CCDC171: variants seen among roughly 807,000 people sequenced by gnomAD.
The protein encoded by CCDC171 is coiled-coil domain-containing protein 171.
In CCDC171, 177 loss-of-function variants were observed where a neutral mutation model predicts 168.2. That is an observed-to-expected ratio of 1.05 (90% CI 0.93 to 1.19). The LOEUF (loss-of-function observed/expected upper bound fraction) is 1.19. Ranked by LOEUF, CCDC171 falls within the 50% of genes most tolerant of loss-of-function variation. CCDC171 has a pLI of 0.00. For synonymous variants in CCDC171, 687 were observed against 540.8 expected (o/e 1.27, Z -3.75); for missense variants, 1,991 against 1,539.0 (o/e 1.29, Z -4.91).
rs12004622 is a variant in CCDC171, at chr9:15,993,214, G to A, written n.369-27375G>A. On this transcript the variant is annotated intron_variant and non_coding_transcript_variant, in intron 3 of 9. Transcript: ENST00000486641. ...AAACTATACTACATGGCTACAGTAA[G>A]CAAAACAGCATGGTACTGGTACCAA... Among the ~76,000 whole-genome samples the A allele has an allele frequency of 5.7e-3, 856 of 151,070 alleles. 7 individuals carry two copies. Among genetic ancestry groups the A allele is most frequent in the Non-Finnish European group, 9.3e-3 (635 of 67,972 alleles).
chr9:15,731,204 C>T (rs1352207539), intron 16 of CCDC171, among the ~76,000 whole-genome samples: 1 of 152,026 alleles, frequency 6.6e-6, no homozygotes, highest in Non-Finnish European at 1.5e-5. Context: ...CTTTAACCTA[C>T]CTCTCTCCAT....
At position 15,613,770 on chromosome 9, in the gene CCDC171, G is replaced by A. The variant is rs559161545; in HGVS notation, c.676-9497G>A. 1.1e-4 allele frequency among the ~76,000 whole-genome samples: 17 copies of A among 152,106 alleles called. No homozygotes were observed. The East Asian group carries it at 1.7e-3, about 16-fold the overall frequency. ...GAACTCCTGACCTTGTGATCTGCCC[G>A]CCTCGGCCTCCCAAAGTGCGGGGAT... On this transcript the variant is annotated intron_variant, in intron 6 of 25. Coordinates refer to ENST00000380701, the MANE Select transcript of CCDC171 (RefSeq NM_173550.4).
At chr9:15,575,236 G>C (rs1259759384) in intron 3 of CCDC171, among the ~76,000 whole-genome samples, 1 of 146,414 alleles carries the variant, frequency 6.8e-6, no homozygotes, top group African/African-American at 2.5e-5. Context: ...TGTGATCTTG[G>C]CTCACTGCAG....
chr9:15,675,814 T>G (rs557752845), intron 9 of CCDC171, among the ~76,000 whole-genome samples: 2 of 152,304 alleles, frequency 1.3e-5, no homozygotes, highest in East Asian at 3.9e-4. Context: ...ATTTTTTCCT[T>G]CATTTCAATC....
At chr9:15,662,031 C>G (rs1385027354) in intron 8 of CCDC171, among the ~76,000 whole-genome samples, 1 of 152,230 alleles carries the variant, frequency 6.6e-6, no homozygotes, top group Non-Finnish European at 1.5e-5. Context: ...TATCCCAGCA[C>G]TTTGGGAGGC....
At chr9:15,802,414 C>G (rs1350981648) in intron 21 of CCDC171, among the ~76,000 whole-genome samples, 1 of 152,054 alleles carries the variant, frequency 6.6e-6, no homozygotes, top group East Asian at 1.9e-4. Context: ...TCCTCCCAGC[C>G]TGCATCCTCT....
rs554261651 is a variant in CCDC171, at chr9:15,598,867, C to T, written c.675+4695C>T. ...GTGCATATATATTTAGGATAGTTAGCTCTTCTTGTTGAATTGATCCCTTTA... is the reference window on the plus strand; with the variant it reads ...GTGCATATATATTTAGGATAGTTAGTTCTTCTTGTTGAATTGATCCCTTTA... On this transcript the variant is annotated intron_variant, in intron 6 of 25. Transcript: ENST00000380701. Among the ~76,000 whole-genome samples the T allele has an allele frequency of 8.5e-5, 13 of 152,224 alleles. No individual in the cohort carries two copies. The East Asian group carries it at 2.1e-3, about 25-fold the overall frequency.
intron 3 of CCDC171, among the ~76,000 whole-genome samples, chr9:16,005,121 TTTC>T (rs1832658004): frequency 6.6e-6 from 1 of 152,222 alleles, no homozygotes; most frequent in African/African-American, 2.4e-5. Context: ...ATTTTAGAAC[TTTC>T]TTATCAACCC....
chr9:15,863,495 G>A (rs971826761), intron 23 of CCDC171, among the ~76,000 whole-genome samples: 1 of 151,756 alleles, frequency 6.6e-6, no homozygotes, highest in Non-Finnish European at 1.5e-5. Context: ...ATTCTTGGTT[G>A]ACACATTTTT....
intron 25 of CCDC171, among the ~76,000 whole-genome samples, chr9:15,954,550 T>G: frequency 6.6e-6 from 1 of 152,122 alleles, no homozygotes; most frequent in Non-Finnish European, 1.5e-5. Flanking sequence ...ACAGTGCATA[T>G]GTTGCTCTGC....
At chr9:16,064,109 T>C (rs1019489425), downstream of CCDC171, among the ~76,000 whole-genome samples, 5 of 152,182 alleles carry the variant, frequency 3.3e-5, no homozygotes, top group Non-Finnish European at 7.3e-5. Flanking sequence ...CTGACAAAAT[T>C]AGGCCACCTC....
At chr9:15,602,107 A>G (rs1054218385) in intron 6 of CCDC171, among the ~76,000 whole-genome samples, 1 of 152,188 alleles carries the variant, frequency 6.6e-6, no homozygotes, top group Non-Finnish European at 1.5e-5. Flanking sequence ...ATTTTACTGT[A>G]ATTTGTAACT....
intron 21 of CCDC171, among the ~76,000 whole-genome samples, chr9:15,830,434 G>A (rs2060182279): frequency 6.6e-6 from 1 of 152,050 alleles, no homozygotes; most frequent in African/African-American, 2.4e-5. Flanking sequence ...TGCTTATTAC[G>A]AGGAAAGCAT....
the CCDC171 span, among the ~76,000 whole-genome samples, chr9:16,105,257 T>C: frequency 6.6e-6 from 1 of 152,180 alleles, no homozygotes; most frequent in Non-Finnish European, 1.5e-5. Context: ...GGACATTTAA[T>C]ATCTGAGGGC....
At chr9:16,025,071 G>A (rs945515638) in intron 6 of CCDC171, among the ~76,000 whole-genome samples, 13 of 152,172 alleles carry the variant, frequency 8.5e-5, no homozygotes, top group African/African-American at 2.4e-4. Flanking sequence ...TAAGTTAAAC[G>A]TAGAATAACC....
chr9:15,742,249 A>T (rs942845486), intron 16 of CCDC171, among the ~76,000 whole-genome samples: 2 of 152,134 alleles, frequency 1.3e-5, no homozygotes, highest in African/African-American at 4.8e-5. Flanking sequence ...AAGAATAGGG[A>T]CAGTTCCAGG....
intron 1 of CCDC171, among the ~76,000 whole-genome samples, chr9:15,555,381 A>G (rs989704101): frequency 6.6e-6 from 1 of 152,188 alleles, no homozygotes; most frequent in African/African-American, 2.4e-5. Flanking sequence ...AGAACTGTGA[A>G]GGTGCTATCT....
intron 3 of CCDC171, among the ~76,000 whole-genome samples, chr9:15,980,215 A>T (rs1053791595): frequency 6.6e-6 from 1 of 152,212 alleles, no homozygotes. Flanking sequence ...TTGTAGAATC[A>T]AAAGGTTCTG....
chr9:15,934,400 A>G (rs1237065581), intron 25 of CCDC171, among the ~76,000 whole-genome samples: 3 of 151,428 alleles, frequency 2.0e-5, no homozygotes, highest in Admixed American at 6.6e-5. Context: ...AAAAAAAAAA[A>G]AAAAAGAAAA....
Sources: allele counts gnomAD v4.1 joint callset (sites outside exome capture counted in the v4.1 genomes callset), GRCh38; gene constraint gnomAD v4.1.1; transcripts MANE v1.5; gene names NCBI Gene and HGNC (gene_info 2026-07-23, HGNC 2026-07-21).